UBE2O: variants seen among roughly 807,000 people sequenced by gnomAD.
The protein encoded by UBE2O is ubiquitin conjugating enzyme E2 O.
In UBE2O, 15 loss-of-function variants were observed where a neutral mutation model predicts 125.8. That is an observed-to-expected ratio of 0.12 (90% CI 0.08 to 0.18). The LOEUF (loss-of-function observed/expected upper bound fraction) is 0.18. UBE2O is among the 10% of genes least tolerant of loss of function. UBE2O has a pLI of 1.00. For synonymous variants in UBE2O, 708 were observed against 703.2 expected, an observed-to-expected ratio of 1.01 and a Z score of -0.11; for missense variants, 1,280 against 1,723.6, an observed-to-expected ratio of 0.74 and a Z score of 4.56.
intron 1 of UBE2O, among the ~76,000 whole-genome samples, chr17:76,433,934 T>C (rs2072942953): frequency 6.6e-6 from 1 of 152,150 alleles, no homozygotes; most frequent in South Asian, 2.1e-4. Context: ...GTGTTTCCTG[T>C]AAATCCTGTG....
chr17:76,414,215 C>A (rs2072561804), intron 1 of UBE2O, among the ~76,000 whole-genome samples: 2 of 152,226 alleles, frequency 1.3e-5, no homozygotes, highest in South Asian at 4.1e-4. Flanking sequence ...AAAATTCTGT[C>A]AATCATGAGC....
At chr17:76,445,668 G>C (rs566155940) in intron 1 of UBE2O, among the ~76,000 whole-genome samples, 1 of 152,352 alleles carries the variant, frequency 6.6e-6, no homozygotes, top group Admixed American at 6.5e-5. Flanking sequence ...CTCAATCACA[G>C]AGTATAGCTA....
chr17:76,402,268 A>G lies in UBE2O; in HGVS notation c.687-141T>C, dbSNP rs2072340557. 2.6e-6 allele frequency: 2 copies of G among 757,042 alleles called. No individual in the cohort carries two copies. Among genetic ancestry groups the G allele is most frequent in the Non-Finnish European group, 2.2e-6 (1 of 462,904 alleles). The allele number at this position is 757,042 out of a possible 1,614,324, so 46.9% of individuals were successfully genotyped here. A position where few individuals can be genotyped will look rare whatever the true frequency, so the allele number is the denominator to read the frequency against. ...CCATCAACTCAGCCCGAGGTAGTAC[A>G]AGAAACTCTCCCACAACGAACAAGA... On this transcript the variant is annotated intron_variant, in intron 4 of 17. Coordinates refer to ENST00000319380, the MANE Select transcript of UBE2O (RefSeq NM_022066.4). This position sits in a 1 kb window ranked among gnomAD's most constrained non-coding sequence, Gnocchi z 5.4.
chr17:76,437,967 T>C (rs1233764141), intron 1 of UBE2O, among the ~76,000 whole-genome samples: 1 of 152,200 alleles, frequency 6.6e-6, no homozygotes, highest in Non-Finnish European at 1.5e-5. Context: ...GTTGCCTGGA[T>C]GCCTCCAGGC....
intron 1 of UBE2O, among the ~76,000 whole-genome samples, chr17:76,436,948 A>G (rs2073005921): frequency 6.6e-6 from 1 of 152,154 alleles, no homozygotes; most frequent in South Asian, 2.1e-4. Flanking sequence ...CCTGGCCAAC[A>G]TGTTGAAACC....
Position 76,451,826 on chromosome 17 carries a change from T to C in UBE2O, c.417+899A>G, listed in dbSNP as rs957846164. 3.3e-5 allele frequency among the ~76,000 whole-genome samples: 5 copies of C among 151,864 alleles called. 1 individual carries two copies. Among genetic ancestry groups the C allele is most frequent in the Admixed American group, 1.3e-4 (2 of 15,234 alleles). ...TGTCAATTACTGATAGGAATTCACA[T>C]TCTGGAAAACAAGCCACCAAACCAA... On this transcript the variant is annotated intron_variant, in intron 1 of 17. Transcript: ENST00000319380.
At chr17:76,431,603 T>C (rs764883849) in intron 1 of UBE2O, among the ~76,000 whole-genome samples, 7 of 152,000 alleles carry the variant, frequency 4.6e-5, no homozygotes, top group Admixed American at 2.6e-4. Context: ...TGATGGACTC[T>C]CCTCATGTTG....
Position 76,452,884 on chromosome 17 carries a change from G to A in UBE2O, c.258C>T (p.Asp86=), listed in dbSNP as rs2073280538. 1 of 1,499,990 alleles carries A rather than the reference G, an allele frequency of 6.7e-7. No individual in the cohort carries two copies. Among genetic ancestry groups the A allele is most frequent in the South Asian group, 1.3e-5 (1 of 79,184 alleles). The allele number at this position is 1,499,990 out of a possible 1,614,324, so 92.9% of individuals were successfully genotyped here. Residue 86 remains aspartate, a synonymous_variant, in exon 1 of 18, where the codon GAC becomes GAT. Coordinates refer to ENST00000319380, the MANE Select transcript of UBE2O (RefSeq NM_022066.4). This position sits in a 1 kb window ranked among gnomAD's most constrained non-coding sequence, Gnocchi z 4.4. Reference sequence around the variant, plus strand: ...CCTCCTCCTCGCCCTCCGAGTCCGAGTCCTCGCCGTGGATGAGGCGCACCA... The same window carrying A: ...CCTCCTCCTCGCCCTCCGAGTCCGAATCCTCGCCGTGGATGAGGCGCACCA... The part of the protein sequence containing the change: ...FGLVRLIHGE[D]SDSEGEEEGR...
Position 76,451,852 on chromosome 17 carries a change from C to G in UBE2O, c.417+873G>C, listed in dbSNP as rs781312595. On this transcript the variant is annotated intron_variant, in intron 1 of 17. Transcript: ENST00000319380. ...TCTGGAAAACAAGCCACCAAACCAA[C>G]CCGGGTTCAAGGTTTCGGGTTTATG... 1.8e-4 allele frequency among the ~76,000 whole-genome samples: 27 copies of G among 152,026 alleles called. 1 individual carries two copies. The highest frequency in any genetic ancestry group is 2.9e-4 in the Non-Finnish European group (20 of 68,000).
Position 76,398,587 on chromosome 17 carries a change from A to G in UBE2O, c.1784-3T>C. On this transcript the variant is annotated splice_polypyrimidine_tract_variant and splice_region_variant and intron_variant, in intron 10 of 17. Coordinates refer to ENST00000319380, the MANE Select transcript of UBE2O (RefSeq NM_022066.4). The surrounding 1 kb of genome is among the most constrained non-coding windows in gnomAD (Gnocchi z 5.4). ...AGCAGGGTCTGGACAGCTCTGGACT[A>G]GGGAACCAGAGAAAGGGAAGTGACT... 2 of 1,612,916 alleles carry G rather than the reference A, an allele frequency of 1.2e-6. No individual in the cohort carries two copies. Among genetic ancestry groups the G allele is most frequent in the Non-Finnish European group, 1.7e-6 (2 of 1,179,088 alleles).
At chr17:76,436,276 CAAAT>C (rs1041615846) in intron 1 of UBE2O, among the ~76,000 whole-genome samples, 1 of 151,992 alleles carries the variant, frequency 6.6e-6, no homozygotes, top group African/African-American at 2.4e-5. Flanking sequence ...AATTAATTAA[CAAAT>C]AAAAGACTAG....
chr17:76,452,734 C>A lies in UBE2O; in HGVS notation c.408G>T (p.Lys136Asn). 1 of 1,488,314 alleles carries A rather than the reference C, an allele frequency of 6.7e-7. No homozygotes were observed. Among genetic ancestry groups the A allele is most frequent in the East Asian group, 2.8e-5 (1 of 35,690 alleles). The allele number at this position is 1,488,314 out of a possible 1,614,324, so 92.2% of individuals were successfully genotyped here. The part of the protein sequence containing the change: ...WYPEGVKQHV[K>N]ETKLKLEDRS... ...CCCCCGCCCGCCGCACCTTGGTCTC[C>A]TTCACATGCTGCTTGACGCCCTCCG... is the stretch of plus-strand genomic sequence containing the variant. Residue 136 changes from lysine to asparagine, a missense_variant, in exon 1 of 18, where the codon AAG becomes AAT. Around this residue, in one of 10 missense-constraint regions of UBE2O, gnomAD observed 188 missense variants for 192.5 expected, o/e 0.98. Coordinates refer to ENST00000319380, the MANE Select transcript of UBE2O (RefSeq NM_022066.4). This position sits in a 1 kb window ranked among gnomAD's most constrained non-coding sequence, Gnocchi z 4.4.
intron 1 of UBE2O, among the ~76,000 whole-genome samples, chr17:76,420,943 C>T (rs565405672): frequency 1.3e-5 from 2 of 152,186 alleles, no homozygotes. Context: ...TTCAGCCCCC[C>T]ACATCCCTGC....
chr17:76,441,718 T>C (rs2073077418), intron 1 of UBE2O, among the ~76,000 whole-genome samples: 1 of 152,228 alleles, frequency 6.6e-6, no homozygotes, highest in Non-Finnish European at 1.5e-5. Context: ...TGATGGCATG[T>C]GGCATTCACC....
In UBE2O at chr17:76,391,203, C is replaced by G. The variant is rs3803739; in HGVS notation, c.3619G>C (p.Gly1207Arg). The G allele has an allele frequency of 6.2e-7, 1 of 1,612,692 alleles. No individual in the cohort carries two copies. Among genetic ancestry groups the G allele is most frequent in the South Asian group, 1.1e-5 (1 of 91,026 alleles). The change falls in exon 18 of 18, where the codon GGC becomes CGC. Residue 1207 changes from glycine to arginine, a missense_variant. Physicochemically the swap from Gly to Arg is moderately radical, Grantham distance 125. Around this residue, in one of 10 missense-constraint regions of UBE2O, gnomAD observed 233 missense variants for 279.0 expected, o/e 0.84. Coordinates refer to ENST00000319380, the MANE Select transcript of UBE2O (RefSeq NM_022066.4). This position sits in a 1 kb window ranked among gnomAD's most constrained non-coding sequence, Gnocchi z 8.4. ...QGSDSEGGAQ[G>R]LASASRDHTD... ...TGGTCCCTGCTAGCTGAGGCCAGGC[C>G]CTGGGCACCGCCCTCTGAGTCTGAG...
rs1274265730 is a variant in UBE2O at position 76,414,731 on chromosome 17, C to A, written c.418-9159G>T. 2.0e-5 allele frequency among the ~76,000 whole-genome samples: 3 copies of A among 152,230 alleles called. No homozygotes were observed. The East Asian group carries it at 5.8e-4, about 29-fold the overall frequency. ...CCTGCTAAGTGAGGGGGAAGGACTG[C>A]AGAGCTTGGCCTGGCAGGGGGCCAG... On this transcript the variant is annotated intron_variant, in intron 1 of 17. Transcript: ENST00000319380.
In UBE2O at chr17:76,400,556, G is replaced by A. The variant is rs777128823; in HGVS notation, c.895-6C>T. The A allele has an allele frequency of 1.3e-6, 2 of 1,597,592 alleles. No individual in the cohort carries two copies. The highest frequency in any genetic ancestry group is 1.7e-5 in the Admixed American group (1 of 59,446). Reference sequence around the variant, plus strand: ...TTCAACTCTACAACCTGCACCTGGGGATGGCAGGTGGGACACGCCAGTCAG... The same window carrying A: ...TTCAACTCTACAACCTGCACCTGGGAATGGCAGGTGGGACACGCCAGTCAG... On this transcript the variant is annotated splice_region_variant and splice_polypyrimidine_tract_variant and intron_variant, in intron 6 of 17. Coordinates refer to ENST00000319380, the MANE Select transcript of UBE2O (RefSeq NM_022066.4). The surrounding 1 kb of genome is among the most constrained non-coding windows in gnomAD (Gnocchi z 4.3).
At chr17:76,447,623 G>A (rs552760026) in intron 1 of UBE2O, among the ~76,000 whole-genome samples, 31 of 152,232 alleles carry the variant, frequency 2.0e-4, no homozygotes, top group African/African-American at 7.2e-4. Flanking sequence ...CTTTAAATGT[G>A]CATTACTGAA....
intron 1 of UBE2O, among the ~76,000 whole-genome samples, chr17:76,450,352 G>GGTA (rs1300263219): frequency 6.6e-6 from 1 of 152,026 alleles, no homozygotes; most frequent in Non-Finnish European, 1.5e-5. Flanking sequence ...TATAGCTCAT[G>GGTA]GTAACAGAGC....
Sources: allele counts gnomAD v4.1 joint callset (sites outside exome capture counted in the v4.1 genomes callset), GRCh38; gene constraint gnomAD v4.1.1; regional missense constraint gnomAD v4.1.1; non-coding constraint Gnocchi (gnomAD v3.1); transcripts MANE v1.5; gene names NCBI Gene and HGNC (gene_info 2026-07-23, HGNC 2026-07-21).